Variants in CNTNAP2 observed in about 807,000 individuals in gnomAD.
The protein encoded by CNTNAP2 is contactin associated protein 2.
A neutral mutation model predicts 155.2 loss-of-function variants in CNTNAP2; 98 were observed. The observed-to-expected ratio is 0.63, with a 90% CI of 0.54 to 0.75. The LOEUF is 0.75. Ranked by LOEUF, CNTNAP2 falls within the 30% of genes least tolerant of loss-of-function variation. The pLI, the probability that CNTNAP2 is intolerant of heterozygous loss-of-function variation, is 0.00. For synonymous variants in CNTNAP2, 651 were observed against 631.2 expected (o/e 1.03, Z -0.47); for missense variants, 1,727 against 1,688.1 (o/e 1.02, Z -0.40).
intron 8 of CNTNAP2, among the ~76,000 whole-genome samples, chr7:147,145,894 T>C (rs1801692036): frequency 6.6e-6 from 1 of 152,242 alleles, no homozygotes; most frequent in Admixed American, 6.5e-5. Context: ...CTTTATGTAC[T>C]ATTCTAAGGC....
chr7:146,799,854 A>G (rs963896543), intron 2 of CNTNAP2, among the ~76,000 whole-genome samples: 1 of 152,320 alleles, frequency 6.6e-6, no homozygotes, highest in East Asian at 1.9e-4. Flanking sequence ...TATCTCACAG[A>G]GACATTTTCA....
chr7:148,102,079 G>T (rs1263796983), intron 15 of CNTNAP2, among the ~76,000 whole-genome samples: 1 of 152,092 alleles, frequency 6.6e-6, no homozygotes, highest in Non-Finnish European at 1.5e-5. Flanking sequence ...TGTCACCCAG[G>T]TACTAAGCCT....
At chr7:148,215,058 A>G (rs1233005072) in intron 18 of CNTNAP2, among the ~76,000 whole-genome samples, 2 of 152,228 alleles carry the variant, frequency 1.3e-5, no homozygotes, top group African/African-American at 4.8e-5. Context: ...TTGAAAAGCT[A>G]TAGTTAAGTC....
chr7:146,771,687 G>A (rs1205296925), intron 1 of CNTNAP2, among the ~76,000 whole-genome samples: 1 of 151,994 alleles, frequency 6.6e-6, no homozygotes, highest in Non-Finnish European at 1.5e-5. Context: ...ATATGAAGAC[G>A]GATTTGTTGA....
intron 1 of CNTNAP2, among the ~76,000 whole-genome samples, chr7:146,512,912 T>C (rs1797488862): frequency 1.3e-5 from 2 of 151,986 alleles, no homozygotes; most frequent in South Asian, 4.1e-4. Context: ...TATTATTTTA[T>C]TGTGGTGTAT....
chr7:147,498,144 C>T (rs1361854938), intron 11 of CNTNAP2, among the ~76,000 whole-genome samples: 1 of 149,008 alleles, frequency 6.7e-6, no homozygotes, highest in Non-Finnish European at 1.5e-5. Context: ...TGTGTTACAG[C>T]ACCTGATGGG....
chr7:146,568,971 TTC>T (rs1234767168), intron 1 of CNTNAP2, among the ~76,000 whole-genome samples: 1 of 152,058 alleles, frequency 6.6e-6, no homozygotes, highest in Non-Finnish European at 1.5e-5. Context: ...ATCTTGTTTT[TTC>T]TCTGTGGTTA....
At chr7:146,754,625 A>G (rs910963027) in intron 1 of CNTNAP2, among the ~76,000 whole-genome samples, 1 of 150,376 alleles carries the variant, frequency 6.6e-6, no homozygotes, top group Non-Finnish European at 1.5e-5. Flanking sequence ...CTTGACTGTG[A>G]CCTCTCTGTG....
intron 21 of CNTNAP2, among the ~76,000 whole-genome samples, chr7:148,331,931 C>T (rs1341202394): frequency 1.3e-5 from 2 of 152,122 alleles, no homozygotes; most frequent in Admixed American, 6.5e-5. Context: ...GAGCTGCCTG[C>T]CTGCCTCACG....
At chr7:147,102,935 A>C (rs556801644) in intron 4 of CNTNAP2, among the ~76,000 whole-genome samples, 2 of 152,332 alleles carry the variant, frequency 1.3e-5, no homozygotes, top group Admixed American at 1.3e-4. Context: ...ACAGCTCCCC[A>C]AAAGTAACCT....
intron 3 of CNTNAP2, among the ~76,000 whole-genome samples, chr7:146,911,105 G>A (rs1401999973): frequency 6.6e-6 from 1 of 152,016 alleles, no homozygotes; most frequent in African/African-American, 2.4e-5. Flanking sequence ...ACCACTATGA[G>A]ATATCATCTC....
intron 1 of CNTNAP2, among the ~76,000 whole-genome samples, chr7:146,354,786 A>C (rs999235037): frequency 1.3e-5 from 2 of 151,640 alleles, no homozygotes; most frequent in Non-Finnish European, 2.9e-5. Flanking sequence ...CTTTCTCTAC[A>C]GATTCAATTT....
chr7:146,342,567 T>TA (rs1794747761), intron 1 of CNTNAP2, among the ~76,000 whole-genome samples: 2 of 152,160 alleles, frequency 1.3e-5, no homozygotes, highest in South Asian at 4.1e-4. Context: ...TAATTAAGGG[T>TA]AAAAAACTTG....
chr7:147,061,936 G>T (rs1430967491), intron 4 of CNTNAP2, among the ~76,000 whole-genome samples: 1 of 151,680 alleles, frequency 6.6e-6, no homozygotes, highest in Non-Finnish European at 1.5e-5. Flanking sequence ...AGACCATCCT[G>T]GCTCACACGG....
At chr7:148,068,034 G>A (rs1317929661) in intron 15 of CNTNAP2, among the ~76,000 whole-genome samples, 4 of 152,128 alleles carry the variant, frequency 2.6e-5, no homozygotes, top group East Asian at 3.9e-4. Flanking sequence ...TCCAGGTGCC[G>A]GTGAGCAGAG....
At chr7:148,313,658 G>A (rs1797635762) in intron 21 of CNTNAP2, among the ~76,000 whole-genome samples, 1 of 152,166 alleles carries the variant, frequency 6.6e-6, no homozygotes, top group South Asian at 2.1e-4. Context: ...TTGCTACTTG[G>A]CTGCCTCTAC....
chr7:146,744,247 A>AAAAAAAAAAAAAC (rs1801771614), intron 1 of CNTNAP2, among the ~76,000 whole-genome samples: 1 of 151,266 alleles, frequency 6.6e-6, no homozygotes, highest in African/African-American at 2.4e-5. Flanking sequence ...AAAAAAAAAA[A>AAAAAAAAAAAAAC]AAAAGCATTT....
chr7:147,750,336 TG>T (rs1797113540), intron 13 of CNTNAP2, among the ~76,000 whole-genome samples: 1 of 152,238 alleles, frequency 6.6e-6, no homozygotes, highest in Non-Finnish European at 1.5e-5. Flanking sequence ...ATTATATATG[TG>T]TATGTCTGCA....
intron 2 of CNTNAP2, among the ~76,000 whole-genome samples, chr7:146,791,576 C>T (rs1453724236): frequency 6.6e-6 from 1 of 152,222 alleles, no homozygotes; most frequent in Non-Finnish European, 1.5e-5. Flanking sequence ...AGGAAGCACA[C>T]AGTCAGTGGT....
Sources: allele counts gnomAD v4.1 joint callset (sites outside exome capture counted in the v4.1 genomes callset), GRCh38; gene constraint gnomAD v4.1.1; transcripts MANE v1.5; gene names NCBI Gene and HGNC (gene_info 2026-07-23, HGNC 2026-07-21).